PLEKHG4B: variants seen among roughly 807,000 people sequenced by gnomAD.
PLEKHG4B encodes the protein pleckstrin homology and RhoGEF domain containing G4B.
In PLEKHG4B, 111 loss-of-function variants were observed where a neutral mutation model predicts 121.3. The observed-to-expected ratio is 0.92, with a 90% CI of 0.78 to 1.07. The LOEUF is 1.07. PLEKHG4B is among the 50% of genes least tolerant of loss of function. The probability of loss-of-function intolerance (pLI) is 0.00; values close to 1 mark genes in which losing one functional copy is unlikely to be tolerated. For missense variants in PLEKHG4B, 1,831 were observed against 1,757.8 expected (o/e 1.04, Z -0.74); for synonymous variants, 738 against 725.0 (o/e 1.02, Z -0.29).
In PLEKHG4B at chr5:137,859, C is replaced by G. The variant is rs897199266; in HGVS notation, c.244-1624C>G. Among the ~76,000 whole-genome samples the G allele has an allele frequency of 1.3e-5, 2 of 152,214 alleles. No individual in the cohort carries two copies. Among genetic ancestry groups the G allele is most frequent in the Non-Finnish European group, 2.9e-5 (2 of 68,026 alleles). ...ATGGACCGGCAGGTACCTGTCTCTT[C>G]TGGGGTGAAACCTGTGGAGGGGATG... On this transcript the variant is annotated intron_variant, in intron 2 of 19. Transcript: ENST00000637938. The surrounding 1 kb of genome is among the most constrained non-coding windows in gnomAD (Gnocchi z 4.2).
At chr5:177,626 G>C (rs887956424) in intron 18 of PLEKHG4B, among the ~76,000 whole-genome samples, 1 of 152,214 alleles carries the variant, frequency 6.6e-6, no homozygotes, top group Non-Finnish European at 1.5e-5. Context: ...GCAAGTTTCA[G>C]AGCAGGAGTG....
rs1345114067 is a variant in PLEKHG4B at position 189,683 on chromosome 5, C to CCTTG, written c.*7360_*7361insCTTG. ...GGAACCCCAAGAGGACCACCCCTCT[C>CCTTG]TAAAAGAAGGGAAAACAGTAAGCGA... On this transcript the variant is annotated 3_prime_UTR_variant, in exon 20 of 20. Transcript: ENST00000637938. The CCTTG allele has an allele frequency of 6.7e-6, 1 of 148,700 alleles. No individual in the cohort carries two copies. Among genetic ancestry groups the CCTTG allele is most frequent in the Non-Finnish European group, 1.5e-5 (1 of 68,034 alleles). The allele number at this position is 148,700 out of a possible 1,614,324, so 9.2% of individuals were successfully genotyped here.
At chr5:158,124 C>G (rs533751114) in intron 11 of PLEKHG4B, among the ~76,000 whole-genome samples, 1 of 152,302 alleles carries the variant, frequency 6.6e-6, no homozygotes, top group South Asian at 2.1e-4. Flanking sequence ...TGTCTCCAGT[C>G]TGTGCCCTCT....
chr5:151,489 ATATT>A lies in PLEKHG4B; in HGVS notation c.1906-18_1906-15del, dbSNP rs778887466. The A allele has an allele frequency of 2.1e-6, 3 of 1,438,394 alleles. No individual in the cohort carries two copies. Among genetic ancestry groups the A allele is most frequent in the South Asian group, 2.5e-5 (2 of 80,986 alleles). The allele number at this position is 1,438,394 out of a possible 1,614,324, so 89.1% of individuals were successfully genotyped here. On this transcript the variant is annotated intron_variant, in intron 6 of 19. Transcript: ENST00000637938. ...TTAAAAATTAGAAAGCTAATCAGTA[ATATT>A]TATTTCTTATTTATTTCAGAACAAC...
Position 156,052 on chromosome 5 carries a change from TC to T in PLEKHG4B, c.2209-17del, listed in dbSNP as rs776195537. 4 of 1,555,526 alleles carry T rather than the reference TC, an allele frequency of 2.6e-6. No homozygotes were observed. The East Asian group carries it at 9.3e-5, about 36-fold the overall frequency. On this transcript the variant is annotated intron_variant, in intron 9 of 19. Transcript: ENST00000637938. This position sits in a 1 kb window ranked among gnomAD's most constrained non-coding sequence, Gnocchi z 4.4. ...TTGGAGGAGGGAGTTAAAGGCTTAT[TC>T]CTCCCCATCCCGTGCAGGAAGTCGC...
chr5:125,659 A>T (rs1163396150), intron 2 of PLEKHG4B, among the ~76,000 whole-genome samples: 1 of 152,212 alleles, frequency 6.6e-6, no homozygotes, highest in Non-Finnish European at 1.5e-5. Context: ...TGTTACAATA[A>T]TACTAGCTTT....
At chr5:164,325 A>C (rs1736159725) in intron 13 of PLEKHG4B, among the ~76,000 whole-genome samples, 1 of 152,206 alleles carries the variant, frequency 6.6e-6, no homozygotes, top group African/African-American at 2.4e-5. Context: ...GATCCCTCAC[A>C]TGTGCAGTAG....
Position 127,340 on chromosome 5 carries a change from TTTATTA to T in PLEKHG4B, c.244-12108_244-12103del, listed in dbSNP as rs60825083. On this transcript the variant is annotated intron_variant, in intron 2 of 19. Coordinates refer to ENST00000637938, the MANE Select transcript of PLEKHG4B (RefSeq NM_052909.5). ...TCATTGTTTCTGCTTATTGTTGGTT[TTTATTA>T]TTATTATTATTATTATTATTATTAT... 7.3e-3 allele frequency among the ~76,000 whole-genome samples: 990 copies of T among 135,560 alleles called. 6 individuals are homozygous for T. The highest frequency in any genetic ancestry group is 0.02 in the South Asian group (80 of 4,076). The allele number at this position is 135,560 out of a possible 152,430, so 88.9% of individuals were successfully genotyped here.
In PLEKHG4B at chr5:144,765, A is replaced by G. The variant is rs973219106; in HGVS notation, c.1812-62A>G. On this transcript the variant is annotated intron_variant, in intron 5 of 19. Coordinates refer to ENST00000637938, the MANE Select transcript of PLEKHG4B (RefSeq NM_052909.5). ...TAACAACTAGCCTCAGAGGTGGAGA[A>G]ACTCGTTCTTGTAAGAGATTTAACC... is the stretch of plus-strand genomic sequence containing the variant. 4.9e-6 allele frequency: 7 copies of G among 1,439,062 alleles called. No individual in the cohort carries two copies. The African/African-American group carries it at 7.0e-5, about 14-fold the overall frequency. 89.1% of individuals were successfully genotyped at this position (1,439,062 alleles called of 1,614,324 possible). A position where few individuals can be genotyped will look rare whatever the true frequency, so the allele number is the denominator to read the frequency against.
At chr5:161,723 C>T in intron 11 of PLEKHG4B, 60 bp from the exon 12 acceptor site, 4 of 1,610,850 alleles carry the variant, frequency 2.5e-6, no homozygotes, top group South Asian at 1.1e-5. Flanking sequence ...CCAGCCCACA[C>T]CTGGAGACAT....
At chr5:168,774 A>G (rs1307877750) in intron 13 of PLEKHG4B, among the ~76,000 whole-genome samples, 1 of 152,174 alleles carries the variant, frequency 6.6e-6, no homozygotes, top group Non-Finnish European at 1.5e-5. Context: ...CTGTGTATCA[A>G]GAGAGCAGCT....
At chr5:94,043 C>T (rs1017571395) in intron 1 of PLEKHG4B, among the ~76,000 whole-genome samples, 1 of 152,226 alleles carries the variant, frequency 6.6e-6, no homozygotes, top group Admixed American at 6.5e-5. Context: ...ACTCTCACCT[C>T]AGACCTCCAA....
chr5:96,737 CAA>C (rs1287689775), intron 1 of PLEKHG4B, among the ~76,000 whole-genome samples: 1 of 152,150 alleles, frequency 6.6e-6, no homozygotes, highest in South Asian at 2.1e-4. Flanking sequence ...GCCTCCAAGA[CAA>C]AGATACCTTC....
At chr5:144,950 G>A (rs1375222890) in intron 6 of PLEKHG4B, 30 bp downstream of exon 6, 2 of 1,594,876 alleles carry the variant, frequency 1.3e-6, no homozygotes, top group East Asian at 2.2e-5. Flanking sequence ...TCCCTTGGGT[G>A]TGCAGAGCAT....
chr5:172,250 C>T (rs1200758125), intron 16 of PLEKHG4B, among the ~76,000 whole-genome samples: 1 of 152,230 alleles, frequency 6.6e-6, no homozygotes, highest in Admixed American at 6.5e-5. Context: ...AGCCAAGGAG[C>T]CCTAGGGGCG....
intron 13 of PLEKHG4B, 62 bp downstream of exon 13, chr5:163,610 C>A: frequency 7.4e-7 from 1 of 1,345,704 alleles, no homozygotes; most frequent in Non-Finnish European, 9.9e-7. Context: ...AACCCAAAGC[C>A]ATTTAGGCAG....
chr5:155,759 G>C (rs1735756052), intron 9 of PLEKHG4B, among the ~76,000 whole-genome samples: 1 of 152,180 alleles, frequency 6.6e-6, no homozygotes, highest in Non-Finnish European at 1.5e-5. Flanking sequence ...CAGGGCTCTT[G>C]ACAGCCCAGC....
chr5:139,000 G>A (rs934461105), intron 2 of PLEKHG4B, among the ~76,000 whole-genome samples: 4 of 152,210 alleles, frequency 2.6e-5, no homozygotes, highest in African/African-American at 7.2e-5. Flanking sequence ...CGCACCCCTC[G>A]CTAAGGAGGC....
At position 181,691 on chromosome 5, in the gene PLEKHG4B, C is replaced by A; in HGVS notation, c.4564+16C>A. ...AAGGGCACAGGTACGGTGGCTCGGT[C>A]CCGCCCTCACTCACCCTGCAGAGGG... On this transcript the variant is annotated intron_variant, in intron 19 of 19. Coordinates refer to ENST00000637938, the MANE Select transcript of PLEKHG4B (RefSeq NM_052909.5). The A allele has an allele frequency of 6.2e-7, 1 of 1,606,632 alleles. No homozygotes were observed. The highest frequency in any genetic ancestry group is 1.1e-5 in the South Asian group (1 of 90,138).
Sources: allele counts gnomAD v4.1 joint callset (sites outside exome capture counted in the v4.1 genomes callset), GRCh38; gene constraint gnomAD v4.1.1; non-coding constraint Gnocchi (gnomAD v3.1); transcripts MANE v1.5; gene names NCBI Gene and HGNC (gene_info 2026-07-23, HGNC 2026-07-21).